The following NELL1 variants were observed in gnomAD, a reference collection of about 807,000 sequenced individuals.
The protein encoded by NELL1 is neural EGFL like 1, also known as protein kinase C-binding protein NELL1.
A neutral mutation model predicts 107.4 loss-of-function variants in NELL1; 76 were observed. That is an observed-to-expected ratio of 0.71 (90% CI 0.59 to 0.86). The LOEUF is 0.86. Among genes scored for constraint, NELL1 ranks in the 40% least tolerant of loss-of-function variants. The probability of loss-of-function intolerance (pLI) is 0.00; values close to 1 mark genes in which losing one functional copy is unlikely to be tolerated. For missense variants in NELL1, 1,024 were observed against 1,005.5 expected, an observed-to-expected ratio of 1.02 and a Z score of -0.25; for synonymous variants, 353 against 341.2, an observed-to-expected ratio of 1.03 and a Z score of -0.38.
intron 11 of NELL1, among the ~76,000 whole-genome samples, chr11:20,951,987 T>G (rs1851077745): frequency 6.6e-6 from 1 of 150,806 alleles, no homozygotes; most frequent in Non-Finnish European, 1.5e-5. Context: ...GAAGAAGTAA[T>G]AAAAGCATCA....
At chr11:21,524,137 G>A (rs1855793490) in intron 15 of NELL1, among the ~76,000 whole-genome samples, 1 of 152,090 alleles carries the variant, frequency 6.6e-6, no homozygotes, top group African/African-American at 2.4e-5. Context: ...ATGATTAAAT[G>A]TATGTATTTG....
chr11:21,309,296 A>ATG (rs1565160540), intron 14 of NELL1, among the ~76,000 whole-genome samples: 48 of 72,088 alleles, frequency 6.7e-4, no homozygotes, highest in African/African-American at 1.7e-3. Flanking sequence ...ATATATATAT[A>ATG]TATGTATATA....
chr11:21,005,894 A>C (rs557749017), intron 12 of NELL1, among the ~76,000 whole-genome samples: 75 of 152,278 alleles, frequency 4.9e-4, no homozygotes, highest in African/African-American at 1.8e-3. Flanking sequence ...GCAAAGTAGC[A>C]ATCACATAGG....
chr11:21,016,046 CA>C (rs1852557246), intron 12 of NELL1, among the ~76,000 whole-genome samples: 1 of 151,992 alleles, frequency 6.6e-6, no homozygotes, highest in African/African-American at 2.4e-5. Flanking sequence ...GTGGGTCCTG[CA>C]ATGAGAAGCG....
chr11:20,904,692 G>A (rs1849954708), intron 5 of NELL1, among the ~76,000 whole-genome samples: 1 of 152,086 alleles, frequency 6.6e-6, no homozygotes, highest in Non-Finnish European at 1.5e-5. Flanking sequence ...GTGTAAGCCT[G>A]GCTAAGTGTT....
intron 3 of NELL1, among the ~76,000 whole-genome samples, chr11:20,809,539 T>TC (rs1249488391): frequency 1.3e-5 from 2 of 152,148 alleles, no homozygotes; most frequent in Admixed American, 6.5e-5. Flanking sequence ...CTTCTCCTTT[T>TC]CCCATAATCT....
At chr11:20,706,421 A>G (rs9734619) in intron 2 of NELL1, among the ~76,000 whole-genome samples, 67,741 of 151,390 alleles carry the variant, frequency 0.45, 16,746 homozygotes, top group Middle Eastern at 0.61. Flanking sequence ...CACAAGGACA[A>G]AAAACCAAAC....
At chr11:20,883,022 A>T (rs1185241652) in intron 4 of NELL1, among the ~76,000 whole-genome samples, 1 of 152,156 alleles carries the variant, frequency 6.6e-6, no homozygotes, top group Non-Finnish European at 1.5e-5. Context: ...TAAAAAAAAT[A>T]CTGTTTTTAA....
rs376220986 is a variant in NELL1, at chr11:21,232,251, A to T, written c.1549+2797A>T. On this transcript the variant is annotated intron_variant, in intron 14 of 19. Coordinates refer to ENST00000357134, the MANE Select transcript of NELL1 (RefSeq NM_006157.5). Reference sequence around the variant, plus strand: ...AGGCTGAGGCAGGCGAATTGCTCGAACCTGGGAGGCAGAGGTTGCAGTGAG... The same window carrying T: ...AGGCTGAGGCAGGCGAATTGCTCGATCCTGGGAGGCAGAGGTTGCAGTGAG... 2.8e-4 allele frequency among the ~76,000 whole-genome samples: 41 copies of T among 148,568 alleles called. No individual in the cohort carries two copies. In the East Asian group the frequency reaches 7.3e-3, roughly 26 times the overall value.
chr11:21,202,150 T>C (rs1314711908), intron 13 of NELL1, among the ~76,000 whole-genome samples: 1 of 152,218 alleles, frequency 6.6e-6, no homozygotes, highest in African/African-American at 2.4e-5. Context: ...TAAAATGAGT[T>C]AGAGAGGATT....
chr11:21,095,442 C>T (rs1854618675), intron 12 of NELL1, among the ~76,000 whole-genome samples: 1 of 152,110 alleles, frequency 6.6e-6, no homozygotes, highest in Non-Finnish European at 1.5e-5. Flanking sequence ...AGCAGTGCCC[C>T]ACTCTACTGG....
intron 14 of NELL1, among the ~76,000 whole-genome samples, chr11:21,341,787 C>T (rs1452039101): frequency 6.6e-6 from 1 of 152,208 alleles, no homozygotes; most frequent in Non-Finnish European, 1.5e-5. Context: ...AAGAAAACTT[C>T]ACTTGAAATT....
chr11:21,526,944 G>A (rs774818715), intron 15 of NELL1, among the ~76,000 whole-genome samples: 10 of 152,184 alleles, frequency 6.6e-5, no homozygotes, highest in Non-Finnish European at 1.2e-4. Flanking sequence ...TTGGTGATTA[G>A]CATTTGGCTC....
intron 4 of NELL1, among the ~76,000 whole-genome samples, chr11:20,877,016 G>C (rs955059401): frequency 6.6e-6 from 1 of 152,096 alleles, no homozygotes; most frequent in African/African-American, 2.4e-5. Context: ...GAGGGGAAAG[G>C]GTCTGTTATG....
intron 12 of NELL1, among the ~76,000 whole-genome samples, chr11:20,998,480 T>C (rs147191819): frequency 2.4e-4 from 36 of 152,312 alleles, no homozygotes; most frequent in African/African-American, 8.2e-4. Flanking sequence ...TTTTCCACAG[T>C]GAGGATGGTG....
chr11:20,755,865 GTTTTTTTT>G (rs574606148), intron 2 of NELL1, among the ~76,000 whole-genome samples: 11 of 122,044 alleles, frequency 9.0e-5, no homozygotes, highest in African/African-American at 3.0e-4. Flanking sequence ...CAGACCTGCG[GTTTTTTTT>G]TTTTTTTTTT....
intron 2 of NELL1, chr11:20,773,507 T>C (rs989586729): frequency 6.6e-6 from 1 of 152,016 alleles, no homozygotes; most frequent in African/African-American, 2.4e-5. Context: ...TTTTCTTTTT[T>C]TTTTTTAAGA....
chr11:21,233,249 A>G (rs888258295), intron 14 of NELL1, among the ~76,000 whole-genome samples: 4 of 152,226 alleles, frequency 2.6e-5, no homozygotes, highest in African/African-American at 9.6e-5. Context: ...GTATTCATAT[A>G]TATGTTATCT....
intron 13 of NELL1, chr11:21,169,896 C>T: frequency 1.4e-6 from 2 of 1,448,976 alleles, no homozygotes; most frequent in Middle Eastern, 1.9e-4. Context: ...GCAGATGTCC[C>T]CAGGTCGTCC....
Sources: gnomAD v4.1 joint callset for allele counts (sites outside exome capture counted in the v4.1 genomes callset) on GRCh38, gnomAD v4.1.1 for gene constraint, MANE v1.5 for transcripts, NCBI Gene and HGNC (gene_info 2026-07-23, HGNC 2026-07-21) for gene names.